MFSD2B: variants seen among roughly 807,000 people sequenced by gnomAD.
The protein encoded by MFSD2B is MFSD2 lysolipid transporter B, sphingolipid.
A neutral mutation model predicts 58.4 loss-of-function variants in MFSD2B; 56 were observed. The ratio of observed to expected loss-of-function variants is 0.96; its 90% CI spans 0.77 to 1.20. The LOEUF (loss-of-function observed/expected upper bound fraction) is 1.20, where lower values mean the gene tolerates loss of function less well. MFSD2B is among the 50% of genes most tolerant of loss of function. The pLI is 0.00. For synonymous variants in MFSD2B, 287 were observed against 294.4 expected (o/e 0.97, Z 0.26); for missense variants, 645 against 667.6 (o/e 0.97, Z 0.37).
intron 1 of MFSD2B, 73 bp downstream of exon 1, chr2:24,010,265 T>C (rs1708909759): frequency 8.4e-7 from 1 of 1,188,018 alleles, no homozygotes; most frequent in Non-Finnish European, 1.1e-6. Context: ...CGCAGCCCCT[T>C]TTCCAGCTGG....
Position 24,016,265 on chromosome 2 carries a change from G to T in MFSD2B, c.332G>T (p.Gly111Val), listed in dbSNP as rs1369159981. 1 of 1,613,962 alleles carries T rather than the reference G, an allele frequency of 6.2e-7. No homozygotes were observed. The highest frequency in any genetic ancestry group is 1.1e-5 in the South Asian group (1 of 91,058). ...AACAGGAGCCAGAGGACAGGGTCTG[G>T]ACGGCTCATGCCTTGGTGAGCAACC... Reference protein sequence around the residue: ...FINRSQRTGSGRLMPWVLGCT... With the variant: ...FINRSQRTGSVRLMPWVLGCT... The change falls in exon 3 of 14, where the codon GGA (glycine) becomes GTA (valine). Residue 111 changes from glycine (G) to valine (V), a missense_variant. Coordinates refer to ENST00000338315, the MANE Select transcript of MFSD2B (RefSeq NM_001346880.2).
At position 24,024,058 on chromosome 2, in the gene MFSD2B, C is replaced by A; in HGVS notation, c.1314-37C>A. 3 of 1,605,482 alleles carry A rather than the reference C, an allele frequency of 1.9e-6. No homozygotes were observed. Among genetic ancestry groups the A allele is most frequent in the Non-Finnish European group, 2.6e-6 (3 of 1,174,592 alleles). ...CCTCCACCCAGGGTGCCAGGCTCAGCAGGCCCTGCCCTAATGGCTGGCTGA... is the reference window on the plus strand; with the variant it reads ...CCTCCACCCAGGGTGCCAGGCTCAGAAGGCCCTGCCCTAATGGCTGGCTGA... On this transcript the variant is annotated intron_variant, in intron 12 of 13. Transcript: ENST00000338315. The surrounding 1 kb of genome is among the most constrained non-coding windows in gnomAD (Gnocchi z 4.3).
chr2:24,025,351 A>T, intron 13 of MFSD2B, 81 bp from the exon 14 acceptor site: 1 of 1,358,998 alleles, frequency 7.4e-7, no homozygotes, highest in East Asian at 2.5e-5. Flanking sequence ...GCAGCCACCA[A>T]ACCTTCCGCG....
chr2:24,023,451 C>T lies in MFSD2B; in HGVS notation c.1170-132C>T. ...GGGGTACGAGCACACAGGCCATCTG[C>T]TTCTCTGGTGGCCAGTCTGGTCCTG... On this transcript the variant is annotated intron_variant, in intron 11 of 13. Coordinates refer to ENST00000338315, the MANE Select transcript of MFSD2B (RefSeq NM_001346880.2). This position sits in a 1 kb window ranked among gnomAD's most constrained non-coding sequence, Gnocchi z 5.0. 3.5e-6 allele frequency: 4 copies of T among 1,140,462 alleles called. No individual in the cohort carries two copies. The highest frequency in any genetic ancestry group is 3.0e-5 in the South Asian group (2 of 67,240). 70.6% of individuals were successfully genotyped at this position (1,140,462 alleles called of 1,614,324 possible). A position where few individuals can be genotyped will look rare whatever the true frequency, so the allele number is the denominator to read the frequency against.
Position 24,020,935 on chromosome 2 carries a change from C to T in MFSD2B, c.682-713C>T, listed in dbSNP as rs1168401413. ...TTTTGAGATGAGAGTCTCGCTCTGT[C>T]GCTTAGGCTGGAGTGCAGTACTGTG... On this transcript the variant is annotated intron_variant, in intron 6 of 13. Transcript: ENST00000338315. The surrounding 1 kb of genome is among the most constrained non-coding windows in gnomAD (Gnocchi z 4.1). 2.0e-5 allele frequency among the ~76,000 whole-genome samples: 3 copies of T among 151,696 alleles called. No homozygotes were observed. Among genetic ancestry groups the T allele is most frequent in the African/African-American group, 7.3e-5 (3 of 41,230 alleles).
rs1337385313 is a variant in MFSD2B, at chr2:24,026,768, A to G, written c.*1312A>G. 6.6e-6 allele frequency: 1 copy of G among 152,244 alleles called. No individual in the cohort carries two copies. Among genetic ancestry groups the G allele is most frequent in the Non-Finnish European group, 1.5e-5 (1 of 68,040 alleles). The allele number at this position is 152,244 out of a possible 1,614,324, so 9.4% of individuals were successfully genotyped here. ...TATAATCAACCAATAAATGTTAAGT[A>G]AAGTGTTTCTCTGTGTTCTATGCAT... is the stretch of plus-strand genomic sequence containing the variant. On this transcript the variant is annotated 3_prime_UTR_variant, in exon 14 of 14. Transcript: ENST00000338315.
chr2:24,023,826 G>A lies in MFSD2B; in HGVS notation c.1313+100G>A. 2 of 1,414,344 alleles carry A rather than the reference G, an allele frequency of 1.4e-6. No individual in the cohort carries two copies. Among genetic ancestry groups the A allele is most frequent in the African/African-American group, 1.4e-5 (1 of 70,698 alleles). The allele number at this position is 1,414,344 out of a possible 1,614,324, so 87.6% of individuals were successfully genotyped here. ...CCAAGCTCAGGGCATCCATGAGCCT[G>A]GGGCCTAAGCGCTACTCTTTGGAGA... On this transcript the variant is annotated intron_variant, in intron 12 of 13. Transcript: ENST00000338315. This position sits in a 1 kb window ranked among gnomAD's most constrained non-coding sequence, Gnocchi z 5.0.
rs753970023 is a variant in MFSD2B, at chr2:24,022,930, G to T, written c.1059+28G>T. 1 of 1,592,972 alleles carries T rather than the reference G, an allele frequency of 6.3e-7. No homozygotes were observed. Among genetic ancestry groups the T allele is most frequent in the South Asian group, 1.1e-5 (1 of 87,366 alleles). On this transcript the variant is annotated intron_variant, in intron 10 of 13. Transcript: ENST00000338315. This position sits in a 1 kb window ranked among gnomAD's most constrained non-coding sequence, Gnocchi z 4.5. Reference sequence around the variant, plus strand: ...GAGTGAGGCGGGAATCAAGGATTGGGGGTGGCCGGAGGGGAGAGGTGAGCG... The same window carrying T: ...GAGTGAGGCGGGAATCAAGGATTGGTGGTGGCCGGAGGGGAGAGGTGAGCG...
intron 6 of MFSD2B, among the ~76,000 whole-genome samples, chr2:24,019,723 T>C (rs1012056225): frequency 2.6e-5 from 4 of 152,112 alleles, no homozygotes; most frequent in Non-Finnish European, 5.9e-5. Flanking sequence ...CTATGTACTC[T>C]GCAAAATGAA....
In MFSD2B at chr2:24,017,571, ACT is replaced by A. The variant is rs1709206015; in HGVS notation, c.665_666del (p.Thr222SerfsTer177). On this transcript the variant is annotated frameshift_variant, in exon 6 of 14. Transcript: ENST00000338315. LOFTEE classifies it high-confidence loss of function. This position sits in a 1 kb window ranked among gnomAD's most constrained non-coding sequence, Gnocchi z 4.8. ...CEATATPGPV[T>X]VSPNAAHLYC... ...GGCCACTGCGACCCCGGGGCCAGTC[ACT>A]GTCTCCCCGAATGCAGTAAGTGCAC... 5.1e-6 allele frequency: 8 copies of A among 1,559,068 alleles called. No individual in the cohort carries two copies. Among genetic ancestry groups the A allele is most frequent in the African/African-American group, 1.4e-5 (1 of 73,554 alleles).
rs1324143127 is a variant in MFSD2B, at chr2:24,024,148, C to T, written c.1367C>T (p.Thr456Ile). Residue 456 changes from threonine to isoleucine, a missense_variant, in exon 13 of 14, where the codon ACC becomes ATC. By Grantham distance (89) the Thr-to-Ile change is moderately conservative. Coordinates refer to ENST00000338315, the MANE Select transcript of MFSD2B (RefSeq NM_001346880.2). The surrounding 1 kb of genome is among the most constrained non-coding windows in gnomAD (Gnocchi z 4.3). ...AAGCAAGCAGAGGAGGTGGTGGTCA[C>T]CCTCAAAGTCCTCATTGGCGCCGTG... ...VCKQAEEVVVTLKVLIGAVPT... is the reference protein window; with the variant it reads ...VCKQAEEVVVILKVLIGAVPT... The T allele has an allele frequency of 1.2e-6, 2 of 1,613,904 alleles. No homozygotes were observed. Among genetic ancestry groups the T allele is most frequent in the Admixed American group, 1.7e-5 (1 of 60,006 alleles).
Position 24,023,548 on chromosome 2 carries a change from G to T in MFSD2B, c.1170-35G>T, listed in dbSNP as rs770777567. On this transcript the variant is annotated intron_variant, in intron 11 of 13. Coordinates refer to ENST00000338315, the MANE Select transcript of MFSD2B (RefSeq NM_001346880.2). This position sits in a 1 kb window ranked among gnomAD's most constrained non-coding sequence, Gnocchi z 5.0. The stretch of plus-strand genomic sequence containing the variant: ...AATTCACAGGCTGCTGGTGGCCAAG[G>T]GGCTAGGAGGGCTAACTCCACACCC... 6.3e-7 allele frequency: 1 copy of T among 1,598,072 alleles called. No homozygotes were observed. The highest frequency in any genetic ancestry group is 2.3e-5 in the East Asian group (1 of 44,380).
intron 2 of MFSD2B, among the ~76,000 whole-genome samples, chr2:24,014,235 A>G (rs1053926621): frequency 2.6e-5 from 4 of 151,934 alleles, no homozygotes; most frequent in Non-Finnish European, 4.4e-5. Flanking sequence ...GCTGGTCTTG[A>G]ACTCCTGACC....
chr2:24,015,289 T>A lies in MFSD2B; in HGVS notation c.223-867T>A, dbSNP rs190610388. The stretch of plus-strand genomic sequence containing the variant: ...CACCTCCACAAAAAAAAAAAAAATT[T>A]AAAAATACAAAAATTAGCTCGGTGT... On this transcript the variant is annotated intron_variant, in intron 2 of 13. Coordinates refer to ENST00000338315, the MANE Select transcript of MFSD2B (RefSeq NM_001346880.2). Among the ~76,000 whole-genome samples, 282 of 150,964 alleles carry A rather than the reference T, an allele frequency of 1.9e-3. 2 individuals are homozygous for A. Among genetic ancestry groups the A allele is most frequent in the Non-Finnish European group, 3.0e-3 (204 of 67,714 alleles).
chr2:24,017,625 G>T lies in MFSD2B; in HGVS notation c.681+37G>T, dbSNP rs1249909426. 6.6e-7 allele frequency: 1 copy of T among 1,522,080 alleles called. No homozygotes were observed. The allele number at this position is 1,522,080 out of a possible 1,614,324, so 94.3% of individuals were successfully genotyped here. A position where few individuals can be genotyped will look rare whatever the true frequency, so the allele number is the denominator to read the frequency against. On this transcript the variant is annotated intron_variant, in intron 6 of 13. Coordinates refer to ENST00000338315, the MANE Select transcript of MFSD2B (RefSeq NM_001346880.2). The surrounding 1 kb of genome is among the most constrained non-coding windows in gnomAD (Gnocchi z 4.8). ...GGGTGGCAAGGCCCCCCAACCTGGG[G>T]TCCCCTCTGCAGGGTCACCTCCTTC...
In MFSD2B at chr2:24,017,235, G is replaced by C. The variant is rs553493085; in HGVS notation, c.472-51G>C. On this transcript the variant is annotated intron_variant, in intron 4 of 13. Coordinates refer to ENST00000338315, the MANE Select transcript of MFSD2B (RefSeq NM_001346880.2). The surrounding 1 kb of genome is among the most constrained non-coding windows in gnomAD (Gnocchi z 4.8). ...ACACCCAGGATGGGGGAGGTCGCCC[G>C]CTGTCACCAGGCAAAGCTGGGGGCG... The C allele has an allele frequency of 2.6e-6, 4 of 1,535,512 alleles. No homozygotes were observed. The highest frequency in any genetic ancestry group is 2.0e-4 in the Middle Eastern group (1 of 4,916).
At position 24,022,937 on chromosome 2, in the gene MFSD2B, C is replaced by T. The variant is rs757705057; in HGVS notation, c.1059+35C>T. On this transcript the variant is annotated intron_variant, in intron 10 of 13. Coordinates refer to ENST00000338315, the MANE Select transcript of MFSD2B (RefSeq NM_001346880.2). The surrounding 1 kb of genome is among the most constrained non-coding windows in gnomAD (Gnocchi z 4.5). ...GCGGGAATCAAGGATTGGGGGTGGC[C>T]GGAGGGGAGAGGTGAGCGAGGTGAC... 2.3e-5 allele frequency: 36 copies of T among 1,579,664 alleles called. No homozygotes were observed. The South Asian group carries it at 2.9e-4, about 13-fold the overall frequency.
Position 24,025,504 on chromosome 2 carries a change from G to A in MFSD2B, c.*48G>A, listed in dbSNP as rs1179524851. 1 of 1,515,736 alleles carries A rather than the reference G, an allele frequency of 6.6e-7. No homozygotes were observed. 93.9% of individuals were successfully genotyped at this position (1,515,736 alleles called of 1,614,324 possible). On this transcript the variant is annotated 3_prime_UTR_variant, in exon 14 of 14. Coordinates refer to ENST00000338315, the MANE Select transcript of MFSD2B (RefSeq NM_001346880.2). ...TGGACACAGGAGCCAGCACCCTCGGGGCCTGACATCGCCCTCCTCAGCCCT... is the reference window on the plus strand; with the variant it reads ...TGGACACAGGAGCCAGCACCCTCGGAGCCTGACATCGCCCTCCTCAGCCCT...
At position 24,023,209 on chromosome 2, in the gene MFSD2B, T is replaced by G. The variant is rs764287660; in HGVS notation, c.1139T>G (p.Val380Gly). ...TATGTCGTGGCCTTTGTATCTGGCG[T>G]GAGCATTGCTGTGTCCTTGCTGCTA... is the stretch of plus-strand genomic sequence containing the variant. Reference protein sequence around the residue: ...VAYVVAFVSGVSIAVSLLLPW... With the variant: ...VAYVVAFVSGGSIAVSLLLPW... Residue 380 changes from valine to glycine, a missense_variant, in exon 11 of 14, where the codon GTG becomes GGG. Val to Gly is a moderately radical substitution (Grantham distance 109, BLOSUM62 -3). Transcript: ENST00000338315. This position sits in a 1 kb window ranked among gnomAD's most constrained non-coding sequence, Gnocchi z 5.0. 9 of 1,613,632 alleles carry G rather than the reference T, an allele frequency of 5.6e-6. No homozygotes were observed. In the East Asian group the frequency reaches 2.0e-4, roughly 36 times the overall value.
Sources: allele counts gnomAD v4.1 joint callset (sites outside exome capture counted in the v4.1 genomes callset), GRCh38; gene constraint gnomAD v4.1.1; non-coding constraint Gnocchi (gnomAD v3.1); transcripts MANE v1.5; gene names NCBI Gene and HGNC (gene_info 2026-07-23, HGNC 2026-07-21).